ADAMTS18: variants seen among roughly 807,000 people sequenced by gnomAD.
ADAMTS18 encodes the protein ADAM metallopeptidase with thrombospondin type 1 motif 18.
Under a neutral mutation model 165.9 loss-of-function variants are expected in ADAMTS18, and 157 were observed. The observed-to-expected ratio is 0.95, with a 90% confidence interval of 0.83 to 1.08. The LOEUF (loss-of-function observed/expected upper bound fraction) is 1.08. ADAMTS18 is among the 50% of genes least tolerant of loss of function. ADAMTS18 has a pLI of 0.00. For synonymous variants in ADAMTS18, 782 were observed against 578.2 expected (o/e 1.35, Z -5.06); for missense variants, 2,040 against 1,534.0 (o/e 1.33, Z -5.51).
At chr16:77,381,465 C>G (rs1230591524) in intron 3 of ADAMTS18, among the ~76,000 whole-genome samples, 1 of 152,150 alleles carries the variant, frequency 6.6e-6, no homozygotes, top group Non-Finnish European at 1.5e-5. Context: ...TGCAAGTAAA[C>G]TCAGGTCATT....
At chr16:77,304,270 G>A (rs1387839135) in intron 16 of ADAMTS18, among the ~76,000 whole-genome samples, 2 of 152,070 alleles carry the variant, frequency 1.3e-5, no homozygotes, top group Non-Finnish European at 2.9e-5. Context: ...ATCAGCCTGG[G>A]CAACACAGCA....
intron 10 of ADAMTS18, among the ~76,000 whole-genome samples, chr16:77,343,620 C>A (rs968918852): frequency 5.9e-5 from 9 of 152,200 alleles, no homozygotes; most frequent in African/African-American, 1.7e-4. Context: ...AGGCCTCAAG[C>A]TGGCCTGATT....
At chr16:77,432,770 TA>T (rs398042239) in intron 2 of ADAMTS18, among the ~76,000 whole-genome samples, 58 of 144,386 alleles carry the variant, frequency 4.0e-4, no homozygotes, top group East Asian at 1.2e-3. Flanking sequence ...CCTCCTCCAA[TA>T]AAAAAAAAAA....
intron 11 of ADAMTS18, 63 bp downstream of exon 11, chr16:77,341,641 A>G (rs2056398930): frequency 7.5e-7 from 1 of 1,330,016 alleles, no homozygotes; most frequent in Non-Finnish European, 1.1e-6. Flanking sequence ...CACAATACAA[A>G]CAGTTTGAAT....
chr16:77,348,697 A>G (rs993549198), intron 10 of ADAMTS18, among the ~76,000 whole-genome samples: 1 of 152,228 alleles, frequency 6.6e-6, no homozygotes, highest in Non-Finnish European at 1.5e-5. Flanking sequence ...GACATCCAGC[A>G]CATGCTAGGC....
chr16:77,319,351 G>C (rs1020073114), intron 16 of ADAMTS18, among the ~76,000 whole-genome samples: 1 of 152,116 alleles, frequency 6.6e-6, no homozygotes, highest in African/African-American at 2.4e-5. Context: ...CCATTCTCTT[G>C]GAGGCCATTT....
chr16:77,366,428 T>G (rs2056795040), intron 4 of ADAMTS18, among the ~76,000 whole-genome samples: 1 of 152,134 alleles, frequency 6.6e-6, no homozygotes. Flanking sequence ...CGTGCTGGCG[T>G]GCGCCTATAA....
intron 7 of ADAMTS18, among the ~76,000 whole-genome samples, chr16:77,361,325 T>C (rs1280389216): frequency 2.0e-5 from 3 of 152,142 alleles, no homozygotes; most frequent in Non-Finnish European, 4.4e-5. Flanking sequence ...TTATGTGCAA[T>C]GGAATATACT....
intron 8 of ADAMTS18, 52 bp downstream of exon 8, chr16:77,359,266 T>C: frequency 6.8e-7 from 1 of 1,473,756 alleles, no homozygotes. Context: ...GGAACACCAA[T>C]GAATCACCCA....
chr16:77,434,316 C>G (rs996612284), intron 2 of ADAMTS18, 102 bp downstream of exon 2: 32 of 1,336,482 alleles, frequency 2.4e-5, no homozygotes, highest in Middle Eastern at 4.7e-4. Context: ...CGCACACCTG[C>G]CAGGTTAGGG....
At position 77,283,228 on chromosome 16, in the gene ADAMTS18, A is replaced by G. The variant is rs1229013372; in HGVS notation, c.*728T>C. On this transcript the variant is annotated 3_prime_UTR_variant, in exon 23 of 23. Transcript: ENST00000282849. Reference sequence around the variant, plus strand: ...AAGGGCATCCATATTTATCTTTTCTATGAGTTGTTTCCTTGCATGAATTTC... The same window carrying G: ...AAGGGCATCCATATTTATCTTTTCTGTGAGTTGTTTCCTTGCATGAATTTC... 6.6e-6 allele frequency: 1 copy of G among 152,570 alleles called. No homozygotes were observed. Among genetic ancestry groups the G allele is most frequent in the African/African-American group, 2.4e-5 (1 of 41,424 alleles). The allele number at this position is 152,570 out of a possible 1,614,324, so 9.5% of individuals were successfully genotyped here.
At chr16:77,284,689 A>T (rs74413023) in intron 22 of ADAMTS18, among the ~76,000 whole-genome samples, 1 of 152,170 alleles carries the variant, frequency 6.6e-6, no homozygotes, top group Non-Finnish European at 1.5e-5. Context: ...GATCCTCCCT[A>T]TGTAGCCTGG....
At chr16:77,404,234 C>T (rs2057366924) in intron 3 of ADAMTS18, among the ~76,000 whole-genome samples, 1 of 152,148 alleles carries the variant, frequency 6.6e-6, no homozygotes, top group African/African-American at 2.4e-5. Flanking sequence ...TGCATTTCTG[C>T]TAAAACAATT....
intron 4 of ADAMTS18, among the ~76,000 whole-genome samples, chr16:77,365,788 G>C (rs952508134): frequency 2.6e-5 from 4 of 152,220 alleles, no homozygotes; most frequent in African/African-American, 7.2e-5. Flanking sequence ...AGTGAAACTA[G>C]CTCCCTACAG....
In ADAMTS18 at chr16:77,341,736, C is replaced by T. The variant is rs969622629; in HGVS notation, c.1678G>A (p.Ala560Thr). The change falls in exon 11 of 23, where the codon GCA becomes ACA. Residue 560 changes from alanine (A) to threonine (T), a missense_variant. Coordinates refer to ENST00000282849, the MANE Select transcript of ADAMTS18 (RefSeq NM_199355.4). ...AAGCCACAAACGGTCCCTTCTGCTG[C>T]GGGCATAAACTTGGTCTCACACCTG... Reference protein sequence around the residue: ...GHRCETKFMPAAEGTVCGLSM... With the variant: ...GHRCETKFMPTAEGTVCGLSM... The T allele has an allele frequency of 5.0e-6, 8 of 1,613,400 alleles. No individual in the cohort carries two copies. Among genetic ancestry groups the T allele is most frequent in the East Asian group, 2.2e-5 (1 of 44,844 alleles).
At chr16:77,324,467 T>C (rs1326015918) in intron 13 of ADAMTS18, among the ~76,000 whole-genome samples, 1 of 152,206 alleles carries the variant, frequency 6.6e-6, no homozygotes, top group Non-Finnish European at 1.5e-5. Context: ...ATTACATAAA[T>C]ATATACCAAG....
chr16:77,415,322 A>C (rs910629321), intron 3 of ADAMTS18, among the ~76,000 whole-genome samples: 1 of 152,204 alleles, frequency 6.6e-6, no homozygotes, highest in Admixed American at 6.5e-5. Context: ...TTCATTTCAA[A>C]ATGTCAGAAA....
intron 16 of ADAMTS18, among the ~76,000 whole-genome samples, chr16:77,316,203 T>C (rs1202869699): frequency 6.6e-6 from 1 of 152,178 alleles, no homozygotes; most frequent in Non-Finnish European, 1.5e-5. Flanking sequence ...ATTTTCCTAT[T>C]TCCCCAGTTT....
At chr16:77,337,241 G>C (rs1294169344) in intron 11 of ADAMTS18, among the ~76,000 whole-genome samples, 1 of 152,164 alleles carries the variant, frequency 6.6e-6, no homozygotes, top group Non-Finnish European at 1.5e-5. Context: ...CCTACCATAA[G>C]CATGCATCTT....
Sources: gnomAD v4.1 joint callset for allele counts (sites outside exome capture counted in the v4.1 genomes callset) on GRCh38, gnomAD v4.1.1 for gene constraint, MANE v1.5 for transcripts, NCBI Gene and HGNC (gene_info 2026-07-23, HGNC 2026-07-21) for gene names.